The following KIF1B variants were observed in gnomAD, a reference collection of about 807,000 sequenced individuals.
The protein encoded by KIF1B is kinesin-like protein KIF1B.
Under a neutral mutation model 241.9 loss-of-function variants are expected in KIF1B, and 76 were observed. That is an observed-to-expected ratio of 0.31 (90% CI 0.26 to 0.38). The LOEUF (loss-of-function observed/expected upper bound fraction) is 0.38, where lower values mean the gene tolerates loss of function less well. Among genes scored for constraint, KIF1B ranks in the 10% least tolerant of loss-of-function variants. The pLI is 1.00. For synonymous variants in KIF1B, 750 were observed against 796.7 expected (o/e 0.94, Z 0.99); for missense variants, 1,622 against 2,271.4 (o/e 0.71, Z 5.81).
At position 10,212,915 on chromosome 1, in the gene KIF1B, TATATATATATATATATAC is replaced by T. The variant is rs1476266716; in HGVS notation, c.-80+2039_-80+2056del. Among the ~76,000 whole-genome samples, 92 of 121,682 alleles carry T rather than the reference TATATATATATATATATAC, an allele frequency of 7.6e-4. 1 individual carries two copies. The highest frequency in any genetic ancestry group is 2.9e-3 in the African/African-American group (80 of 27,462). 79.8% of individuals were successfully genotyped at this position (121,682 alleles called of 152,430 possible). ...GTATATATATATATATATATATATA[TATATATATATATATATAC>T]ACACACACATTTAAAAAATTTGGAT... On this transcript the variant is annotated intron_variant, in intron 1 of 48. Transcript: ENST00000676179.
chr1:10,258,665 T>C lies in KIF1B; in HGVS notation c.356T>C (p.Ile119Thr), dbSNP rs1647936628. Residue 119 changes from isoleucine to threonine, a missense_variant, in exon 4 of 49, where the codon ATT becomes ACT. Transcript: ENST00000676179. ...CAAGAAGAAAGCCAGGCTGGCATCA[T>C]TCCACAGGTGAAAAACAAAACAAAA... ...GKQEESQAGIIPQLCEELFEK... is the reference protein window; with the variant it reads ...GKQEESQAGITPQLCEELFEK... 6.2e-7 allele frequency: 1 copy of C among 1,614,124 alleles called. No individual in the cohort carries two copies. Among genetic ancestry groups the C allele is most frequent in the South Asian group, 1.1e-5 (1 of 91,088 alleles).
chr1:10,303,529 C>A lies in KIF1B; in HGVS notation c.2115+6283C>A. Reference sequence around the variant, plus strand: ...GTATGGCAAGAAAGACCCCAATGAGCGGGACTCCTGGAGGGCAGTGGCCAG... The same window carrying A: ...GTATGGCAAGAAAGACCCCAATGAGAGGGACTCCTGGAGGGCAGTGGCCAG... On this transcript the variant is annotated intron_variant, in intron 22 of 48. Transcript: ENST00000676179. The surrounding 1 kb of genome is among the most constrained non-coding windows in gnomAD (Gnocchi z 5.2). 1 of 1,614,112 alleles carries A rather than the reference C, an allele frequency of 6.2e-7. No individual in the cohort carries two copies. Among genetic ancestry groups the A allele is most frequent in the Non-Finnish European group, 8.5e-7 (1 of 1,180,020 alleles).
chr1:10,217,343 C>CTTTTTTTTTT (rs769372780), intron 1 of KIF1B, among the ~76,000 whole-genome samples: 1 of 131,992 alleles, frequency 7.6e-6, no homozygotes, highest in Non-Finnish European at 1.6e-5. Flanking sequence ...CTTTCTTTTT[C>CTTTTTTTTTT]TTTTTTTTTT....
At chr1:10,219,802 T>G (rs1315887478) in intron 1 of KIF1B, among the ~76,000 whole-genome samples, 1 of 151,976 alleles carries the variant, frequency 6.6e-6, no homozygotes, top group African/African-American at 2.4e-5. Context: ...GGACAGTGGC[T>G]CACACCTGTA....
chr1:10,263,782 T>C lies in KIF1B; in HGVS notation c.429+1812T>C, dbSNP rs574001123. The stretch of plus-strand genomic sequence containing the variant: ...TGCCCTTTTCTTTTGTATTAGAGTT[T>C]CCAGGCTTAACTTGGAGTGGAGCAT... On this transcript the variant is annotated intron_variant, in intron 5 of 48. Coordinates refer to ENST00000676179, the MANE Select transcript of KIF1B (RefSeq NM_001365951.3). Among the ~76,000 whole-genome samples, 191 of 152,352 alleles carry C rather than the reference T, an allele frequency of 1.3e-3. 1 individual carries two copies. The highest frequency in any genetic ancestry group is 2.1e-3 in the Non-Finnish European group (146 of 68,024).
Position 10,214,587 on chromosome 1 carries a change from C to A in KIF1B, c.-80+3709C>A, listed in dbSNP as rs558718477. ...ACAGGCATGAGCCACCGTGCCCTGC[C>A]CTTTTTTTTTTTTGGGATGGAGTCT... On this transcript the variant is annotated intron_variant, in intron 1 of 48. Coordinates refer to ENST00000676179, the MANE Select transcript of KIF1B (RefSeq NM_001365951.3). Among the ~76,000 whole-genome samples, 142 of 136,876 alleles carry A rather than the reference C, an allele frequency of 1.0e-3. 2 individuals carry two copies. Among genetic ancestry groups the A allele is most frequent in the Admixed American group, 4.7e-3 (64 of 13,522 alleles). 89.8% of individuals were successfully genotyped at this position (136,876 alleles called of 152,430 possible). A position where few individuals can be genotyped will look rare whatever the true frequency, so the allele number is the denominator to read the frequency against.
At chr1:10,229,579 G>A (rs1034859693) in intron 1 of KIF1B, among the ~76,000 whole-genome samples, 3 of 151,982 alleles carry the variant, frequency 2.0e-5, no homozygotes, top group African/African-American at 4.8e-5. Flanking sequence ...CCAGACAGCC[G>A]GGTGCGGTGG....
intron 17 of KIF1B, among the ~76,000 whole-genome samples, chr1:10,293,472 T>G (rs961608759): frequency 1.3e-5 from 2 of 150,554 alleles, no homozygotes; most frequent in African/African-American, 4.9e-5. Flanking sequence ...CTTGGCTCAC[T>G]GCAACCTCCG....
intron 14 of KIF1B, among the ~76,000 whole-genome samples, chr1:10,279,729 T>C (rs1649312269): frequency 7.6e-6 from 1 of 132,320 alleles, no homozygotes; most frequent in Non-Finnish European, 1.6e-5. Flanking sequence ...ACAGTCTCAC[T>C]CTTGTCACCC....
intron 7 of KIF1B, 103 bp downstream of exon 7, chr1:10,268,366 G>C (rs554773193): frequency 1.3e-6 from 1 of 783,280 alleles, no homozygotes; most frequent in Non-Finnish European, 2.2e-6. Context: ...GTGTTGGGGG[G>C]TGCTCTTTTA....
In KIF1B at chr1:10,303,594, C is replaced by A. The variant is rs200862338; in HGVS notation, c.2115+6348C>A. ...CCGTCGGTGTTGGGGATGAGAAGAT[C>A]GAAGACGTCATGGCCACTGGGAAAG... is the stretch of plus-strand genomic sequence containing the variant. On this transcript the variant is annotated intron_variant, in intron 22 of 48. Transcript: ENST00000676179. This position sits in a 1 kb window ranked among gnomAD's most constrained non-coding sequence, Gnocchi z 5.2. 7.4e-6 allele frequency: 12 copies of A among 1,613,904 alleles called. No homozygotes were observed. In the East Asian group the frequency reaches 2.2e-4, roughly 30 times the overall value.
At chr1:10,270,733 G>T (rs989255905) in intron 7 of KIF1B, among the ~76,000 whole-genome samples, 1 of 151,914 alleles carries the variant, frequency 6.6e-6, no homozygotes, top group African/African-American at 2.4e-5. Context: ...GACCAGCCTG[G>T]TCAACATGGT....
At position 10,303,958 on chromosome 1, in the gene KIF1B, G is replaced by C; in HGVS notation, c.2115+6712G>C. 3 of 1,614,058 alleles carry C rather than the reference G, an allele frequency of 1.9e-6. No individual in the cohort carries two copies. The highest frequency in any genetic ancestry group is 2.5e-6 in the Non-Finnish European group (3 of 1,180,004). On this transcript the variant is annotated intron_variant, in intron 22 of 48. Coordinates refer to ENST00000676179, the MANE Select transcript of KIF1B (RefSeq NM_001365951.3). This position sits in a 1 kb window ranked among gnomAD's most constrained non-coding sequence, Gnocchi z 5.2. ...TGGACGTCTGCGCTGGATGAGGCAA[G>C]AGCAAATTCGGTTTAAGAACTTGCA...
rs746177957 is a variant in KIF1B at position 10,297,218 on chromosome 1, C to T, written c.2087C>T (p.Ala696Val). The change falls in exon 22 of 49, where the codon GCA becomes GTA. Residue 696 changes from alanine to valine, a missense_variant. This residue lies in a region of KIF1B where 803 missense variants were observed against 1,112.0 expected (regional missense o/e 0.72). Transcript: ENST00000676179. ...TTATACAAAAAGGAGAAGGAAGAAG[C>T]AGATCTTCTTTTGGAGCAGCAGAGA... ...EILYKKEKEE[A>V]DLLLEQQRLD... 6.2e-7 allele frequency: 1 copy of T among 1,611,938 alleles called. No individual in the cohort carries two copies. Among genetic ancestry groups the T allele is most frequent in the Admixed American group, 1.7e-5 (1 of 59,846 alleles).
At chr1:10,298,469 G>C (rs1569755285) in intron 22 of KIF1B, among the ~76,000 whole-genome samples, 1 of 152,174 alleles carries the variant, frequency 6.6e-6, no homozygotes, top group African/African-American at 2.4e-5. Flanking sequence ...AGAATGGATT[G>C]TAAGAATAAA....
chr1:10,358,446 C>T (rs987527133), intron 38 of KIF1B, among the ~76,000 whole-genome samples: 1 of 152,142 alleles, frequency 6.6e-6, no homozygotes, highest in African/African-American at 2.4e-5. Context: ...GTCATAAATG[C>T]CGTCACTCTA....
Position 10,379,417 on chromosome 1 carries a change from C to T in KIF1B, c.*2830C>T, listed in dbSNP as rs1019533893. On this transcript the variant is annotated 3_prime_UTR_variant, in exon 49 of 49. Transcript: ENST00000676179. ...TTCACCCTCTGGGGCGCCCCTGCTG[C>T]GGCTGGCAGGTGCAGACAGCCTTTG... The T allele has an allele frequency of 6.9e-5, 16 of 231,168 alleles. No individual in the cohort carries two copies. Among genetic ancestry groups the T allele is most frequent in the African/African-American group, 2.0e-4 (9 of 45,316 alleles). 14.3% of individuals were successfully genotyped at this position (231,168 alleles called of 1,614,324 possible). A position where few individuals can be genotyped will look rare whatever the true frequency, so the allele number is the denominator to read the frequency against.
chr1:10,273,709 C>CAAATAAAAAA (rs1648930204), intron 10 of KIF1B, among the ~76,000 whole-genome samples: 1 of 49,578 alleles, frequency 2.0e-5, no homozygotes, highest in African/African-American at 7.9e-5. Flanking sequence ...TCCTCCTCCT[C>CAAATAAAAAA]AAAAAAAAAA....
At chr1:10,370,593 T>TAAGAAG (rs70997223) in intron 44 of KIF1B, among the ~76,000 whole-genome samples, 2,575 of 141,326 alleles carry the variant, frequency 0.018, 79 homozygotes, top group African/African-American at 0.062. Context: ...ATAATAATAA[T>TAAGAAG]AAGAAGAAGA....
Sources: allele counts gnomAD v4.1 joint callset (sites outside exome capture counted in the v4.1 genomes callset), GRCh38; gene constraint gnomAD v4.1.1; regional missense constraint gnomAD v4.1.1; non-coding constraint Gnocchi (gnomAD v3.1); transcripts MANE v1.5; gene names NCBI Gene and HGNC (gene_info 2026-07-23, HGNC 2026-07-21).